The following RSAD2 variants were observed in gnomAD, a reference collection of about 807,000 sequenced individuals.
RSAD2 encodes radical S-adenosyl methionine domain containing 2.
In RSAD2, 38 loss-of-function variants were observed where a neutral mutation model predicts 37.7. The observed-to-expected ratio is 1.01, with a 90% CI of 0.78 to 1.32. The LOEUF is 1.32. Ranked by LOEUF, RSAD2 falls within the 40% of genes most tolerant of loss-of-function variation. The pLI is 0.00. For synonymous variants in RSAD2, 163 were observed against 157.4 expected, an observed-to-expected ratio of 1.04 and a Z score of -0.27; for missense variants, 428 against 437.5, an observed-to-expected ratio of 0.98 and a Z score of 0.19.
chr2:6,882,377 C>G (rs1663422509), intron 1 of RSAD2, among the ~76,000 whole-genome samples: 1 of 152,112 alleles, frequency 6.6e-6, no homozygotes, highest in South Asian at 2.1e-4. Flanking sequence ...AATATGGAAG[C>G]ATCTGGGGAA....
At chr2:6,886,893 G>T in intron 2 of RSAD2, 42 bp from the exon 3 acceptor site, 3 of 1,475,236 alleles carry the variant, frequency 2.0e-6, no homozygotes, top group Non-Finnish European at 2.8e-6. Flanking sequence ...AAGGGGCTTG[G>T]TCCTTGGATA....
intron 1 of RSAD2, among the ~76,000 whole-genome samples, chr2:6,868,915 C>T (rs1315702770): frequency 6.6e-6 from 1 of 152,200 alleles, no homozygotes; most frequent in African/African-American, 2.4e-5. Flanking sequence ...GTTATGTACA[C>T]CTGGAGCAAT....
chr2:6,878,995 G>T (rs1485667263), intron 1 of RSAD2: 1 of 499,432 alleles, frequency 2.0e-6, no homozygotes, highest in South Asian at 1.5e-5. Flanking sequence ...CAGAGAGAAA[G>T]CATCACCAGC....
At position 6,877,793 on chromosome 2, in the gene RSAD2, C is replaced by T. The variant is rs1463748708; in HGVS notation, c.-8C>T. The T allele has an allele frequency of 1.2e-6, 2 of 1,610,644 alleles. No homozygotes were observed. Among genetic ancestry groups the T allele is most frequent in the East Asian group, 4.5e-5 (2 of 44,826 alleles). On this transcript the variant is annotated 5_prime_UTR_variant, in exon 1 of 6. Coordinates refer to ENST00000382040, the MANE Select transcript of RSAD2 (RefSeq NM_080657.5). ...ACAGAGACTGCTCTGCTCCAGGCAT[C>T]TGCCACAATGTGGGTGCTTACACCT...
intron 4 of RSAD2, among the ~76,000 whole-genome samples, chr2:6,891,492 G>A (rs1239659757): frequency 6.6e-6 from 1 of 152,192 alleles, no homozygotes; most frequent in Non-Finnish European, 1.5e-5. Flanking sequence ...TACCGGCCGG[G>A]CGCGGTGGCT....
At chr2:6,894,050 C>T (rs1238672295) in intron 5 of RSAD2, among the ~76,000 whole-genome samples, 2 of 152,202 alleles carry the variant, frequency 1.3e-5, no homozygotes, top group Non-Finnish European at 2.9e-5. Context: ...GGGCTGGAGG[C>T]TCTCCTGAGA....
chr2:6,875,736 A>G (rs549263811), upstream of RSAD2, among the ~76,000 whole-genome samples: 3 of 152,290 alleles, frequency 2.0e-5, no homozygotes, highest in East Asian at 1.9e-4. Context: ...AGTTATCCCC[A>G]ACACTACCTG....
intron 1 of RSAD2, among the ~76,000 whole-genome samples, chr2:6,872,603 T>TA (rs1299184022): frequency 6.6e-6 from 1 of 152,150 alleles, no homozygotes; most frequent in African/African-American, 2.4e-5. Context: ...ATTTTTGTCT[T>TA]ACAGTAAAAT....
At chr2:6,891,203 A>G (rs1230016227) in intron 4 of RSAD2, among the ~76,000 whole-genome samples, 2 of 151,616 alleles carry the variant, frequency 1.3e-5, no homozygotes, top group African/African-American at 4.9e-5. Flanking sequence ...CAGAAAAAAA[A>G]CAAATGGTGA....
chr2:6,866,714 A>T (rs1181987878), intron 1 of RSAD2: 1 of 152,382 alleles, frequency 6.6e-6, no homozygotes. Context: ...TTTAAAAATG[A>T]TGTCAAGCAA....
chr2:6,874,282 A>C (rs1389816888), upstream of RSAD2, among the ~76,000 whole-genome samples: 1 of 152,182 alleles, frequency 6.6e-6, no homozygotes, highest in Non-Finnish European at 1.5e-5. Context: ...CATAAGAATG[A>C]GCCAATTCAA....
chr2:6,881,382 C>A (rs1030424093), intron 1 of RSAD2, among the ~76,000 whole-genome samples: 2 of 152,184 alleles, frequency 1.3e-5, no homozygotes, highest in Non-Finnish European at 2.9e-5. Flanking sequence ...CAAAACTGTT[C>A]CAGGCACACC....
At chr2:6,884,589 A>T (rs1448882) in intron 2 of RSAD2, among the ~76,000 whole-genome samples, 5 of 152,150 alleles carry the variant, frequency 3.3e-5, no homozygotes, top group Non-Finnish European at 7.3e-5. Flanking sequence ...GGATGTCCTC[A>T]TGGTGTGCAG....
upstream of RSAD2, among the ~76,000 whole-genome samples, chr2:6,876,059 C>G (rs1663275694): frequency 1.3e-5 from 2 of 152,220 alleles, no homozygotes; most frequent in African/African-American, 2.4e-5. Flanking sequence ...TATCTCCTCC[C>G]TGCACAGAGT....
chr2:6,890,909 G>A (rs569555394), intron 4 of RSAD2, among the ~76,000 whole-genome samples: 31 of 151,866 alleles, frequency 2.0e-4, no homozygotes, highest in South Asian at 8.4e-4. Context: ...ACTAGAAGCC[G>A]GGTATCTAAA....
At chr2:6,884,105 C>T (rs1663469015) in intron 2 of RSAD2, among the ~76,000 whole-genome samples, 1 of 152,234 alleles carries the variant, frequency 6.6e-6, no homozygotes. Flanking sequence ...CTTATATGGA[C>T]TGTCATGTTG....
At chr2:6,877,682 G>A (rs1663308446), upstream of RSAD2, 2 of 729,444 alleles carry the variant, frequency 2.7e-6, no homozygotes, top group Non-Finnish European at 4.4e-6. Context: ...CTGAGTGTTA[G>A]TCAAAGAAGG....
At chr2:6,883,751 A>T (rs1663462758) in intron 2 of RSAD2, 1 of 563,652 alleles carries the variant, frequency 1.8e-6, no homozygotes, top group South Asian at 2.2e-5. Flanking sequence ...CAAGTTAGAT[A>T]ATAGACCTTT....
chr2:6,897,290 TG>T lies in RSAD2; in HGVS notation c.*1349del, dbSNP rs1394367600. The T allele has an allele frequency of 6.6e-6, 1 of 152,224 alleles. No individual in the cohort carries two copies. The highest frequency in any genetic ancestry group is 2.4e-5 in the African/African-American group (1 of 41,446). 9.4% of individuals were successfully genotyped at this position (152,224 alleles called of 1,614,324 possible). A position where few individuals can be genotyped will look rare whatever the true frequency, so the allele number is the denominator to read the frequency against. On this transcript the variant is annotated 3_prime_UTR_variant, in exon 6 of 6. Coordinates refer to ENST00000382040, the MANE Select transcript of RSAD2 (RefSeq NM_080657.5). ...AAAAAGCAAAATCATGGAAAATTTT[TG>T]TTGTCCAGGCAAATAAAAGGTCATT...
Sources: allele counts gnomAD v4.1 joint callset (sites outside exome capture counted in the v4.1 genomes callset), GRCh38; gene constraint gnomAD v4.1.1; transcripts MANE v1.5; gene names NCBI Gene and HGNC (gene_info 2026-07-23, HGNC 2026-07-21).